Variants in ZNF385C observed in about 807,000 individuals in gnomAD.
ZNF385C encodes the protein CTD-2132N18.2.
ZNF385C carries 28 observed loss-of-function variants against 35.4 expected under a neutral mutation model. That is an observed-to-expected ratio of 0.79 (90% confidence interval 0.59 to 1.08). The LOEUF (loss-of-function observed/expected upper bound fraction) is 1.08, where lower values mean the gene tolerates loss of function less well. ZNF385C is among the 50% of genes least tolerant of loss of function. ZNF385C has a pLI of 0.00. For missense variants in ZNF385C, 605 were observed against 595.6 expected (o/e 1.02, Z -0.16); for synonymous variants, 248 against 248.2 (o/e 1.00, Z 0.01).
Position 42,050,219 on chromosome 17 carries a change from A to T in ZNF385C, c.251-12334T>A, listed in dbSNP as rs1555656981. Among the ~76,000 whole-genome samples, 1 of 152,184 alleles carries T rather than the reference A, an allele frequency of 6.6e-6. No individual in the cohort carries two copies. Among genetic ancestry groups the T allele is most frequent in the African/African-American group, 2.4e-5 (1 of 41,462 alleles). ...GGCATGTAAGCCTCAAACAGTATTC[A>T]TGTGGCCCCAGAATGTGGGTCCCGA... On this transcript the variant is annotated intron_variant, in intron 2 of 8. Coordinates refer to ENST00000692273, the MANE Select transcript of ZNF385C (RefSeq NM_001392013.1). The surrounding 1 kb of genome is among the most constrained non-coding windows in gnomAD (Gnocchi z 5.6).
intron 2 of ZNF385C, among the ~76,000 whole-genome samples, chr17:42,052,359 C>T (rs1391804690): frequency 1.3e-5 from 2 of 152,076 alleles, no homozygotes; most frequent in African/African-American, 4.8e-5. Flanking sequence ...CACACGAGCA[C>T]AGAGACACAC....
intron 2 of ZNF385C, among the ~76,000 whole-genome samples, chr17:42,053,840 C>G (rs1205380338): frequency 1.3e-5 from 2 of 152,114 alleles, no homozygotes; most frequent in African/African-American, 4.8e-5. Flanking sequence ...CAGCACTCAC[C>G]CAAGAGCATT....
At chr17:42,059,899 G>C (rs1555657858) in intron 2 of ZNF385C, among the ~76,000 whole-genome samples, 1 of 152,216 alleles carries the variant, frequency 6.6e-6, no homozygotes, top group East Asian at 1.9e-4. Flanking sequence ...TGGGATGACA[G>C]GCGTGAGCCT....
chr17:42,081,152 A>G (rs1352483098), intron 1 of ZNF385C, among the ~76,000 whole-genome samples: 1 of 152,142 alleles, frequency 6.6e-6, no homozygotes, highest in Non-Finnish European at 1.5e-5. Context: ...CCCTCATGGA[A>G]CTTGCAAATC....
chr17:42,028,204 G>A lies in ZNF385C; in HGVS notation c.1010C>T (p.Pro337Leu), dbSNP rs782333811. The change falls in exon 7 of 9, where the codon CCC (proline) becomes CTC (leucine). Residue 337 changes from proline (P) to leucine (L), a missense_variant. Physicochemically the swap from Pro to Leu is moderately conservative, Grantham distance 98 (BLOSUM62 -3). Transcript: ENST00000692273. ...CACCGGGCGGCCCCGGCTCCTCCGG[G>A]GAGCCCCTCGCTGACCTTCCATCAT... Reference protein sequence around the residue: ...RWMMEGQRGAPRRSRGRPVSR... With the variant: ...RWMMEGQRGALRRSRGRPVSR... 2.2e-5 allele frequency: 35 copies of A among 1,567,920 alleles called. No homozygotes were observed. Among genetic ancestry groups the A allele is most frequent in the Non-Finnish European group, 2.8e-5 (32 of 1,159,286 alleles).
rs1417435943 is a variant in ZNF385C at position 42,062,909 on chromosome 17, T to C, written c.148A>G (p.Ile50Val). ...PSYTLCDVCNIQLNSAAQAQV... is the reference protein window; with the variant it reads ...PSYTLCDVCNVQLNSAAQAQV... The stretch of plus-strand genomic sequence containing the variant: ...GCCTGGGCCGCCGAGTTCAGCTGGA[T>C]GTTGCAGACATCACAGAGCGTGTAC... Residue 50 changes from isoleucine (I) to valine (V), a missense_variant, in exon 2 of 9, where the codon ATC (isoleucine) becomes GTC (valine). By Grantham distance (29) the Ile-to-Val change is conservative (BLOSUM62 3). Transcript: ENST00000692273. 2 of 689,424 alleles carry C rather than the reference T, an allele frequency of 2.9e-6. No homozygotes were observed. The highest frequency in any genetic ancestry group is 3.5e-5 in the African/African-American group (2 of 56,404). 42.7% of individuals were successfully genotyped at this position (689,424 alleles called of 1,614,324 possible).
chr17:42,097,880 AC>A (rs1479189941), intron 1 of ZNF385C, among the ~76,000 whole-genome samples: 2 of 152,000 alleles, frequency 1.3e-5, no homozygotes, highest in Non-Finnish European at 2.9e-5. Flanking sequence ...TCCCCTGCTC[AC>A]CCCCTTGTAC....
intron 1 of ZNF385C, among the ~76,000 whole-genome samples, chr17:42,083,945 C>T (rs2053777960): frequency 6.6e-6 from 1 of 151,894 alleles, no homozygotes; most frequent in Non-Finnish European, 1.5e-5. Context: ...TCTTGAACTC[C>T]TGACCTCAGG....
At chr17:42,040,425 C>T (rs1373480516) in intron 2 of ZNF385C, 6 of 1,231,998 alleles carry the variant, frequency 4.9e-6, no homozygotes, top group African/African-American at 1.6e-5. Flanking sequence ...GGAGGGAGGC[C>T]GCAGCCGCCA....
chr17:42,028,604 C>T, intron 6 of ZNF385C, 179 bp downstream of exon 6: 2 of 789,254 alleles, frequency 2.5e-6, no homozygotes, highest in South Asian at 3.8e-5. Flanking sequence ...CTTCCCAATT[C>T]TCCTTCCCCA....
rs148762556 is a variant in ZNF385C, at chr17:42,027,693, G to A, written c.1200C>T (p.Ala400=). 9.9e-4 allele frequency: 1,595 copies of A among 1,612,506 alleles called. No individual in the cohort carries two copies. Among genetic ancestry groups the A allele is most frequent in the Non-Finnish European group, 1.3e-3 (1,490 of 1,179,556 alleles). Reference sequence around the variant, plus strand: ...GGCTGGAGGGCTTGGGGGTCTTCCCGGCCAGGCGGTCTTTGTGCCTCCTGC... The same window carrying A: ...GGCTGGAGGGCTTGGGGGTCTTCCCAGCCAGGCGGTCTTTGTGCCTCCTGC... ...MSSRRHKDRL[A]GKTPKPSSQH... is the part of the protein sequence containing the mutation. Residue 400 remains alanine (A), a synonymous_variant, in exon 8 of 9, where the codon GCC becomes GCT. Coordinates refer to ENST00000692273, the MANE Select transcript of ZNF385C (RefSeq NM_001392013.1).
intron 4 of ZNF385C, among the ~76,000 whole-genome samples, chr17:42,032,832 C>A (rs2052761542): frequency 6.6e-6 from 1 of 151,978 alleles, no homozygotes; most frequent in African/African-American, 2.4e-5. Flanking sequence ...CCTGCCTCAG[C>A]CTCCCGAGTA....
At chr17:42,027,968 C>T in intron 7 of ZNF385C, 82 bp downstream of exon 7, 1 of 1,536,282 alleles carries the variant, frequency 6.5e-7, no homozygotes, top group Non-Finnish European at 8.9e-7. Flanking sequence ...TGCCTGCTCT[C>T]TTCAGGGTCC....
At chr17:42,039,924 CAA>C in intron 2 of ZNF385C, 1 of 1,231,286 alleles carries the variant, frequency 8.1e-7, no homozygotes, top group South Asian at 4.1e-5. Context: ...GCGCCAAAGC[CAA>C]GGCGGCTAGG....
intron 1 of ZNF385C, among the ~76,000 whole-genome samples, chr17:42,083,190 G>A (rs1567996553): frequency 6.6e-6 from 1 of 151,898 alleles, no homozygotes; most frequent in African/African-American, 2.4e-5. Context: ...CTCCTGACTC[G>A]TGACAAAATG....
intron 4 of ZNF385C, among the ~76,000 whole-genome samples, chr17:42,032,254 G>A (rs1299578193): frequency 6.6e-6 from 1 of 152,012 alleles, no homozygotes; most frequent in African/African-American, 2.4e-5. Context: ...TAGAGACGGG[G>A]TTTCACCATA....
intron 2 of ZNF385C, among the ~76,000 whole-genome samples, chr17:42,046,703 C>T (rs1313545865): frequency 6.6e-6 from 1 of 151,976 alleles, no homozygotes; most frequent in Non-Finnish European, 1.5e-5. Flanking sequence ...CTGGGCAACA[C>T]AGCAATACCC....
intron 1 of ZNF385C, among the ~76,000 whole-genome samples, chr17:42,073,833 A>G (rs1598201252): frequency 6.6e-6 from 1 of 152,198 alleles, no homozygotes; most frequent in Admixed American, 6.5e-5. Context: ...GGTGCCATTT[A>G]CCTGCCTGGC....
intron 2 of ZNF385C, among the ~76,000 whole-genome samples, chr17:42,042,544 A>T (rs147561839): frequency 2.6e-5 from 4 of 152,058 alleles, no homozygotes; most frequent in Admixed American, 1.3e-4. Context: ...AATTAAATAC[A>T]TCTGTGGGTC....
Sources: gnomAD v4.1 joint callset for allele counts (sites outside exome capture counted in the v4.1 genomes callset) on GRCh38, gnomAD v4.1.1 for gene constraint, Gnocchi (gnomAD v3.1) non-coding constraint, MANE v1.5 for transcripts, NCBI Gene and HGNC (gene_info 2026-07-23, HGNC 2026-07-21) for gene names.